Variants in CREB5 observed in about 807,000 individuals in gnomAD.
CREB5 encodes the protein cyclic AMP-responsive element-binding protein 5.
Under a neutral mutation model 57.1 loss-of-function variants are expected in CREB5, and 19 were observed. That is an observed-to-expected ratio of 0.33 (90% CI 0.23 to 0.49). CREB5 has a LOEUF of 0.49. Ranked by LOEUF, CREB5 falls within the 20% of genes least tolerant of loss-of-function variation. The pLI is 0.99. For missense variants in CREB5, 579 were observed against 671.6 expected (o/e 0.86, Z 1.52); for synonymous variants, 238 against 238.3 (o/e 1.00, Z 0.01).
At chr7:28,783,723 A>C (rs1807133567) in intron 7 of CREB5, among the ~76,000 whole-genome samples, 1 of 152,148 alleles carries the variant, frequency 6.6e-6, no homozygotes, top group Admixed American at 6.5e-5. Context: ...AATCTCTACC[A>C]TACCTGGCTC....
intron 5 of CREB5, among the ~76,000 whole-genome samples, chr7:28,658,941 A>ATG (rs71555758): frequency 0.013 from 1,563 of 117,074 alleles, 90 homozygotes; most frequent in African/African-American, 0.049. Flanking sequence ...TAAATATTAT[A>ATG]TGTGTGTGTG....
intron 1 of CREB5, among the ~76,000 whole-genome samples, chr7:28,339,941 G>A (rs1013205158): frequency 1.7e-4 from 26 of 152,324 alleles, no homozygotes; most frequent in African/African-American, 6.3e-4. Flanking sequence ...GGGCAGTACT[G>A]TCATGCTACC....
chr7:28,717,524 A>T (rs1337342265), intron 5 of CREB5, among the ~76,000 whole-genome samples: 1 of 152,166 alleles, frequency 6.6e-6, no homozygotes, highest in Non-Finnish European at 1.5e-5. Context: ...ATGGGAGCCA[A>T]AGGAACTCTG....
intron 1 of CREB5, among the ~76,000 whole-genome samples, chr7:28,461,323 C>T (rs1790344345): frequency 6.6e-6 from 1 of 152,038 alleles, no homozygotes; most frequent in Admixed American, 6.6e-5. Flanking sequence ...GGAGAATTTA[C>T]ATATTTGTTC....
At chr7:28,739,498 T>C (rs1287634469) in intron 7 of CREB5, among the ~76,000 whole-genome samples, 1 of 152,198 alleles carries the variant, frequency 6.6e-6, no homozygotes, top group Admixed American at 6.5e-5. Flanking sequence ...TAAAAACATA[T>C]GTATTTATTC....
intron 5 of CREB5, among the ~76,000 whole-genome samples, chr7:28,601,191 G>T (rs930742164): frequency 2.6e-5 from 4 of 151,836 alleles, no homozygotes; most frequent in Admixed American, 2.6e-4. Context: ...GGAAAGGGGG[G>T]CTCCACATAG....
At chr7:28,644,634 G>A (rs1424325913) in intron 5 of CREB5, among the ~76,000 whole-genome samples, 1 of 151,950 alleles carries the variant, frequency 6.6e-6, no homozygotes, top group Non-Finnish European at 1.5e-5. Flanking sequence ...AATTTGAAAT[G>A]TTTCAATTTC....
chr7:28,389,537 ACCTTACTTAG>A (rs1787174148), intron 1 of CREB5, among the ~76,000 whole-genome samples: 1 of 151,882 alleles, frequency 6.6e-6, no homozygotes, highest in Non-Finnish European at 1.5e-5. Flanking sequence ...GATGGTGTTC[ACCTTACTTAG>A]CCTTTGTCTT....
chr7:28,679,973 G>C (rs1395381629), intron 5 of CREB5, among the ~76,000 whole-genome samples: 1 of 152,134 alleles, frequency 6.6e-6, no homozygotes, highest in Non-Finnish European at 1.5e-5. Context: ...AGCTTCACCT[G>C]ATATTTTTCT....
At chr7:28,588,297 G>GTA (rs1473499811) in intron 5 of CREB5, among the ~76,000 whole-genome samples, 1 of 152,150 alleles carries the variant, frequency 6.6e-6, no homozygotes, top group East Asian at 1.9e-4. Flanking sequence ...GCTGTTCATG[G>GTA]TACTTACTAC....
intron 1 of CREB5, among the ~76,000 whole-genome samples, chr7:28,414,996 TC>T (rs1787969930): frequency 6.6e-6 from 1 of 151,624 alleles, no homozygotes; most frequent in South Asian, 2.1e-4. Flanking sequence ...TGTATTGCCT[TC>T]CCCCTCACCC....
chr7:28,519,488 TA>T (rs1344405457), intron 4 of CREB5, among the ~76,000 whole-genome samples: 3 of 152,014 alleles, frequency 2.0e-5, no homozygotes, highest in African/African-American at 7.2e-5. Flanking sequence ...GTCACTGATT[TA>T]CCCATAAGCT....
chr7:28,445,047 A>G (rs1203638407), intron 1 of CREB5, among the ~76,000 whole-genome samples: 1 of 152,162 alleles, frequency 6.6e-6, no homozygotes, highest in Non-Finnish European at 1.5e-5. Flanking sequence ...GGCGTTTCCC[A>G]TGCTGTTCTT....
At chr7:28,322,602 C>T (rs1247449813) in intron 1 of CREB5, among the ~76,000 whole-genome samples, 1 of 151,724 alleles carries the variant, frequency 6.6e-6, no homozygotes, top group African/African-American at 2.4e-5. Context: ...CCCCAGCCCC[C>T]CACTCCCCGA....
At chr7:28,691,746 T>C (rs1163717855) in intron 5 of CREB5, among the ~76,000 whole-genome samples, 1 of 152,160 alleles carries the variant, frequency 6.6e-6, no homozygotes, top group African/African-American at 2.4e-5. Context: ...TCTCAGATTT[T>C]ACTTAGTAAG....
At chr7:28,592,545 T>G (rs983595910) in intron 5 of CREB5, among the ~76,000 whole-genome samples, 1 of 152,094 alleles carries the variant, frequency 6.6e-6, no homozygotes, top group African/African-American at 2.4e-5. Context: ...AATATGGTAG[T>G]TAGTGGCTCT....
chr7:28,658,953 G>GTGTATATATATATATATA (rs1400561698), intron 5 of CREB5, among the ~76,000 whole-genome samples: 3 of 99,604 alleles, frequency 3.0e-5, no homozygotes, highest in African/African-American at 9.8e-5. Flanking sequence ...GTGTGTGTGT[G>GTGTATATATATATATATA]TATATATATA....
intron 5 of CREB5, among the ~76,000 whole-genome samples, chr7:28,691,920 G>C (rs944671087): frequency 1.5e-4 from 22 of 151,026 alleles, no homozygotes; most frequent in Non-Finnish European, 2.9e-4. Flanking sequence ...TGTAATCCCA[G>C]CACTTTGGGA....
chr7:28,329,082 A>G (rs954394665), intron 1 of CREB5, among the ~76,000 whole-genome samples: 2 of 152,208 alleles, frequency 1.3e-5, no homozygotes, highest in African/African-American at 4.8e-5. Flanking sequence ...CTCTGTTCAG[A>G]GGAATATCTC....
Sources: allele counts gnomAD v4.1 joint callset (sites outside exome capture counted in the v4.1 genomes callset), GRCh38; gene constraint gnomAD v4.1.1; transcripts MANE v1.5; gene names NCBI Gene and HGNC (gene_info 2026-07-23, HGNC 2026-07-21).